LGR6: variants seen among roughly 807,000 people sequenced by gnomAD.
LGR6 encodes the protein leucine rich repeat containing G protein-coupled receptor 6.
LGR6 carries 45 observed loss-of-function variants against 69.4 expected under a neutral mutation model. That is an observed-to-expected ratio of 0.65 (90% CI 0.51 to 0.83). The LOEUF is 0.83. Among genes scored for constraint, LGR6 ranks in the 40% least tolerant of loss-of-function variants. The pLI is 0.00. For synonymous variants in LGR6, 538 were observed against 555.0 expected (o/e 0.97, Z 0.43); for missense variants, 1,108 against 1,246.7 (o/e 0.89, Z 1.68).
intron 7 of LGR6, among the ~76,000 whole-genome samples, chr1:202,298,284 T>A (rs1256309558): frequency 6.6e-6 from 1 of 152,116 alleles, no homozygotes; most frequent in Non-Finnish European, 1.5e-5. Flanking sequence ...CCTTAAGGGA[T>A]GACCGGGATT....
chr1:202,250,244 A>C (rs1422455631), intron 4 of LGR6, among the ~76,000 whole-genome samples: 1 of 151,968 alleles, frequency 6.6e-6, no homozygotes, highest in Non-Finnish European at 1.5e-5. Flanking sequence ...GCCTTTTCTG[A>C]TTCATTCAGC....
Position 202,318,348 on chromosome 1 carries a change from C to T in LGR6, c.2045C>T (p.Ser682Phe), listed in dbSNP as rs150859191. The T allele has an allele frequency of 4.6e-5, 73 of 1,598,296 alleles. No individual in the cohort carries two copies. The African/African-American group carries it at 9.2e-4, about 20-fold the overall frequency. Reference protein sequence around the residue: ...SCVRAYGKSPSLGSVRAGVLG... With the variant: ...SCVRAYGKSPFLGSVRAGVLG... ...GTCCGGGCCTATGGGAAGTCCCCCT[C>T]CCTGGGCAGCGTTCGAGCAGGGGTC... The change falls in exon 18 of 18, where the codon TCC (serine) becomes TTC (phenylalanine). Residue 682 changes from serine to phenylalanine, a missense_variant. Physicochemically the swap from Ser to Phe is radical, Grantham distance 155 (BLOSUM62 -2). Coordinates refer to ENST00000367278, the MANE Select transcript of LGR6 (RefSeq NM_001017403.2).
intron 4 of LGR6, among the ~76,000 whole-genome samples, chr1:202,264,832 G>A (rs1006491083): frequency 2.0e-5 from 3 of 152,154 alleles, no homozygotes; most frequent in African/African-American, 7.2e-5. Flanking sequence ...GTATACAAAG[G>A]AAGCACTTTC....
In LGR6 at chr1:202,228,056, G is replaced by T. The variant is rs565291465; in HGVS notation, c.356+49G>T. The T allele has an allele frequency of 1.0e-5, 14 of 1,368,270 alleles. 1 individual carries two copies. The South Asian group carries it at 1.7e-4, about 17-fold the overall frequency. The allele number at this position is 1,368,270 out of a possible 1,614,324, so 84.8% of individuals were successfully genotyped here. On this transcript the variant is annotated intron_variant, in intron 3 of 17. Coordinates refer to ENST00000367278, the MANE Select transcript of LGR6 (RefSeq NM_001017403.2). ...TACATAGAGCTGCAGCACTGAGAAT[G>T]GTGAGCAAATCAAAGTTTTAGAACC...
intron 3 of LGR6, among the ~76,000 whole-genome samples, chr1:202,233,607 TGCACCTTCTG>T (rs1661278231): frequency 6.6e-6 from 1 of 152,162 alleles, no homozygotes; most frequent in Admixed American, 6.5e-5. Context: ...TGAGGCTTTA[TGCACCTTCTG>T]GCAGCCTCTT....
chr1:202,264,914 G>A (rs780781583), intron 4 of LGR6, among the ~76,000 whole-genome samples: 5 of 152,310 alleles, frequency 3.3e-5, no homozygotes, highest in East Asian at 1.9e-4. Context: ...GGAAGGAAAG[G>A]AGAGTTGAGG....
chr1:202,272,723 C>T (rs1665204960), intron 4 of LGR6, among the ~76,000 whole-genome samples: 1 of 152,258 alleles, frequency 6.6e-6, no homozygotes, highest in Non-Finnish European at 1.5e-5. Flanking sequence ...CTAACCAGGA[C>T]TGTAGGTTAC....
intron 4 of LGR6, among the ~76,000 whole-genome samples, chr1:202,269,537 A>G (rs1664929333): frequency 6.6e-6 from 1 of 152,238 alleles, no homozygotes. Context: ...AGACCATGTC[A>G]TGGAAGAGAC....
At chr1:202,313,307 G>A (rs1653891960) in intron 16 of LGR6, among the ~76,000 whole-genome samples, 1 of 152,112 alleles carries the variant, frequency 6.6e-6, no homozygotes, top group South Asian at 2.1e-4. Flanking sequence ...TCTGACTCAG[G>A]TAGAAGTGCT....
rs1018337459 is a variant in LGR6 at position 202,206,368 on chromosome 1, C to T, written c.212+12167C>T. 6.6e-5 allele frequency among the ~76,000 whole-genome samples: 10 copies of T among 152,330 alleles called. No individual in the cohort carries two copies. The South Asian group carries it at 2.1e-3, about 32-fold the overall frequency. On this transcript the variant is annotated intron_variant, in intron 1 of 17. Coordinates refer to ENST00000367278, the MANE Select transcript of LGR6 (RefSeq NM_001017403.2). ...GACCCAAAGGAGTCAGAGCCGGGAA[C>T]CAGATCACGTCTCAGGCCACCATGG...
chr1:202,276,140 T>A (rs1218975757), intron 4 of LGR6, 166 bp from the exon 5 acceptor site: 1 of 591,424 alleles, frequency 1.7e-6, no homozygotes, highest in African/African-American at 1.9e-5. Context: ...GAGCCAAATA[T>A]GGGAACTCGA....
At chr1:202,198,167 T>C (rs780040970) in intron 1 of LGR6, among the ~76,000 whole-genome samples, 2 of 152,166 alleles carry the variant, frequency 1.3e-5, no homozygotes, top group Non-Finnish European at 2.9e-5. Context: ...TGTGTGTAGA[T>C]ACAGGGTAAT....
chr1:202,259,732 C>G (rs1664068328), intron 4 of LGR6, among the ~76,000 whole-genome samples: 1 of 151,946 alleles, frequency 6.6e-6, no homozygotes. Flanking sequence ...TTTAGGTACT[C>G]TATCCCTCAA....
At chr1:202,313,339 C>G (rs1653894394) in intron 16 of LGR6, among the ~76,000 whole-genome samples, 1 of 152,154 alleles carries the variant, frequency 6.6e-6, no homozygotes, top group Non-Finnish European at 1.5e-5. Flanking sequence ...TGGGGACTTT[C>G]TGTTTAGTAT....
chr1:202,205,387 A>ACG (rs1659143722), intron 1 of LGR6, among the ~76,000 whole-genome samples: 1 of 1,620 alleles, frequency 6.2e-4, no homozygotes, highest in African/African-American at 1.4e-3. Context: ...CACCTCACAC[A>ACG]CCTCCTTCAA....
intron 15 of LGR6, among the ~76,000 whole-genome samples, chr1:202,309,591 G>A (rs975713808): frequency 5.9e-5 from 9 of 152,256 alleles, no homozygotes; most frequent in African/African-American, 1.2e-4. Flanking sequence ...CAGCCAGGCC[G>A]TGGTGCTAAT....
intron 9 of LGR6, among the ~76,000 whole-genome samples, chr1:202,302,999 A>T (rs1315402184): frequency 1.3e-5 from 2 of 152,108 alleles, no homozygotes; most frequent in Admixed American, 1.3e-4. Context: ...TGTTGCTTGC[A>T]TGTGGGGTTT....
rs760985628 is a variant in LGR6, at chr1:202,305,685, G to A, written c.1072G>A (p.Glu358Lys). 1.9e-6 allele frequency: 3 copies of A among 1,613,596 alleles called. No homozygotes were observed. The highest frequency in any genetic ancestry group is 2.5e-6 in the Non-Finnish European group (3 of 1,179,966). Residue 358 changes from glutamate to lysine, a missense_variant and splice_region_variant, in exon 12 of 18, where the codon GAA becomes AAA. Glu to Lys is a moderately conservative substitution (Grantham distance 56). Coordinates refer to ENST00000367278, the MANE Select transcript of LGR6 (RefSeq NM_001017403.2). ...CQQLPRLRVLELSHNQIEELP... is the reference protein window; with the variant it reads ...CQQLPRLRVLKLSHNQIEELP... ...CCCTGGCCTTTCTCTTTTCCCCAGG[G>A]AACTGTCTCACAATCAAATTGAGGA...
intron 1 of LGR6, among the ~76,000 whole-genome samples, chr1:202,201,802 G>A (rs1189158297): frequency 6.6e-6 from 1 of 152,234 alleles, no homozygotes; most frequent in Non-Finnish European, 1.5e-5. Flanking sequence ...GCTACTTGGA[G>A]GGGAAGGTAT....
Sources: gnomAD v4.1 joint callset for allele counts (sites outside exome capture counted in the v4.1 genomes callset) on GRCh38, gnomAD v4.1.1 for gene constraint, MANE v1.5 for transcripts, NCBI Gene and HGNC (gene_info 2026-07-23, HGNC 2026-07-21) for gene names.